The following TENM3 variants were observed in gnomAD, a reference collection of about 807,000 sequenced individuals.
The protein encoded by TENM3 is teneurin-3.
A neutral mutation model predicts 255.1 loss-of-function variants in TENM3; 63 were observed. That is an observed-to-expected ratio of 0.25 (90% CI 0.20 to 0.30). The LOEUF (loss-of-function observed/expected upper bound fraction) is 0.30, where lower values mean the gene tolerates loss of function less well. Among genes scored for constraint, TENM3 ranks in the 10% least tolerant of loss-of-function variants. TENM3 has a pLI of 1.00. For synonymous variants in TENM3, 1,306 were observed against 1,322.3 expected (o/e 0.99, Z 0.27); for missense variants, 2,929 against 3,461.1 (o/e 0.85, Z 3.86).
At chr4:182,174,916 AC>A (rs1752359812) in intron 1 of TENM3, among the ~76,000 whole-genome samples, 1 of 150,274 alleles carries the variant, frequency 6.7e-6, no homozygotes. Flanking sequence ...AAGTTTTATT[AC>A]AAGTATTGAT....
chr4:182,582,540 C>G (rs571059584), intron 3 of TENM3, among the ~76,000 whole-genome samples: 1 of 151,852 alleles, frequency 6.6e-6, no homozygotes, highest in Non-Finnish European at 1.5e-5. Context: ...CATATAGTTA[C>G]GTTGAACCTA....
intron 3 of TENM3, among the ~76,000 whole-genome samples, chr4:182,362,216 C>T (rs1402155913): frequency 6.6e-6 from 1 of 152,094 alleles, no homozygotes; most frequent in African/African-American, 2.4e-5. Flanking sequence ...AGATCTCCAG[C>T]TGCATGCTGG....
chr4:181,531,952 C>T, the TENM3 span, among the ~76,000 whole-genome samples: 1 of 152,182 alleles, frequency 6.6e-6, no homozygotes, highest in African/African-American at 2.4e-5. Context: ...TTGCAGGGCT[C>T]GCTTCGCACA....
At chr4:182,059,097 T>G in the TENM3 span, among the ~76,000 whole-genome samples, 2 of 152,020 alleles carry the variant, frequency 1.3e-5, no homozygotes, top group South Asian at 4.1e-4. Flanking sequence ...CAGCAGGTCA[T>G]GCTGGGATAT....
chr4:182,452,158 A>G (rs950648871), intron 3 of TENM3, among the ~76,000 whole-genome samples: 1 of 152,230 alleles, frequency 6.6e-6, no homozygotes. Flanking sequence ...CTATCTTATC[A>G]TAGATGTGAG....
the TENM3 span, among the ~76,000 whole-genome samples, chr4:182,060,401 G>A: frequency 6.6e-6 from 1 of 152,106 alleles, no homozygotes; most frequent in African/African-American, 2.4e-5. Context: ...TCAGGCATTA[G>A]ATTCTCATAA....
the TENM3 span, among the ~76,000 whole-genome samples, chr4:181,879,811 G>C: frequency 6.6e-6 from 1 of 152,058 alleles, no homozygotes; most frequent in African/African-American, 2.4e-5. Flanking sequence ...GTGGCACTTC[G>C]TTGATTGCTC....
intron 1 of TENM3, among the ~76,000 whole-genome samples, chr4:182,321,853 G>C (rs911171422): frequency 1.3e-5 from 2 of 151,588 alleles, no homozygotes; most frequent in Non-Finnish European, 2.9e-5. Context: ...GCTGAGGCAG[G>C]AGAATCACTT....
At chr4:182,674,610 C>A (rs898232301) in intron 7 of TENM3, among the ~76,000 whole-genome samples, 1 of 152,120 alleles carries the variant, frequency 6.6e-6, no homozygotes, top group African/African-American at 2.4e-5. Context: ...GGGTCTCACT[C>A]CGTCTTCCAG....
chr4:182,281,585 G>C (rs1437467404), intron 1 of TENM3, among the ~76,000 whole-genome samples: 1 of 151,906 alleles, frequency 6.6e-6, no homozygotes, highest in Non-Finnish European at 1.5e-5. Flanking sequence ...GTACTCCTGG[G>C]CTCAAACAAT....
the TENM3 span, among the ~76,000 whole-genome samples, chr4:181,566,354 C>T: frequency 1.3e-5 from 2 of 152,122 alleles, no homozygotes; most frequent in African/African-American, 4.8e-5. Flanking sequence ...GGGAACTAGA[C>T]CTTTGCCAAT....
intron 3 of TENM3, among the ~76,000 whole-genome samples, chr4:182,435,842 A>G (rs1580532116): frequency 1.3e-5 from 2 of 152,302 alleles, no homozygotes; most frequent in East Asian, 3.9e-4. Context: ...GTTAGTACAT[A>G]CATAAGGAAG....
At chr4:182,433,872 T>G (rs1019642699) in intron 3 of TENM3, among the ~76,000 whole-genome samples, 1 of 152,136 alleles carries the variant, frequency 6.6e-6, no homozygotes, top group Non-Finnish European at 1.5e-5. Context: ...TCCCAGCTCT[T>G]TGGGAGACCA....
chr4:182,222,754 T>C (rs1755920308), intron 1 of TENM3, among the ~76,000 whole-genome samples: 2 of 152,194 alleles, frequency 1.3e-5, no homozygotes, highest in South Asian at 4.1e-4. Context: ...TCTTTTTTAT[T>C]AGTACATTTT....
the TENM3 span, among the ~76,000 whole-genome samples, chr4:181,842,472 A>G: frequency 3.3e-5 from 5 of 152,206 alleles, no homozygotes; most frequent in African/African-American, 1.2e-4. Flanking sequence ...TTCCCCATAT[A>G]TGAGTTTTAT....
At chr4:181,582,308 AT>A in the TENM3 span, among the ~76,000 whole-genome samples, 1 of 152,072 alleles carries the variant, frequency 6.6e-6, no homozygotes, top group African/African-American at 2.4e-5. Flanking sequence ...GAAAAAAAAA[AT>A]CATTTGTGAT....
chr4:181,802,167 C>T, the TENM3 span, among the ~76,000 whole-genome samples: 7 of 152,126 alleles, frequency 4.6e-5, no homozygotes, highest in Non-Finnish European at 1.5e-5. Context: ...CTTCATCCCA[C>T]GATTTCACTG....
the TENM3 span, among the ~76,000 whole-genome samples, chr4:181,473,876 A>G: frequency 1.4e-5 from 2 of 141,858 alleles, no homozygotes; most frequent in East Asian, 2.9e-4. Context: ...TAAAATATAT[A>G]CTGTATATAT....
chr4:181,891,298 C>T, the TENM3 span, among the ~76,000 whole-genome samples: 1 of 152,090 alleles, frequency 6.6e-6, no homozygotes, highest in African/African-American at 2.4e-5. Flanking sequence ...AAATTGAAAC[C>T]TTGTCATCTT....
Sources: gnomAD v4.1 joint callset for allele counts (sites outside exome capture counted in the v4.1 genomes callset) on GRCh38, gnomAD v4.1.1 for gene constraint, MANE v1.5 for transcripts, NCBI Gene and HGNC (gene_info 2026-07-23, HGNC 2026-07-21) for gene names.